PWWP2A: variants seen among roughly 807,000 people sequenced by gnomAD.
PWWP2A encodes PWWP domain-containing protein 2A.
In PWWP2A, 18 loss-of-function variants were observed where a neutral mutation model predicts 48.5. The ratio of observed to expected loss-of-function variants is 0.37; its 90% CI spans 0.26 to 0.55. PWWP2A has a LOEUF of 0.55. Among genes scored for constraint, PWWP2A ranks in the 20% least tolerant of loss-of-function variants. PWWP2A has a pLI of 0.81. For missense variants in PWWP2A, 867 were observed against 976.4 expected (o/e 0.89, Z 1.49); for synonymous variants, 396 against 387.7 (o/e 1.02, Z -0.25).
chr5:160,095,390 A>T (rs1026531607), intron 1 of PWWP2A, among the ~76,000 whole-genome samples: 2 of 152,230 alleles, frequency 1.3e-5, no homozygotes, highest in Non-Finnish European at 2.9e-5. Flanking sequence ...CAAGAACCTG[A>T]TCCTTAAAAT....
chr5:160,068,800 A>T (rs1753675601), intron 2 of PWWP2A, among the ~76,000 whole-genome samples: 1 of 152,156 alleles, frequency 6.6e-6, no homozygotes. Context: ...TATCCACAAG[A>T]CGTGGTTTTA....
At chr5:160,055,394 C>T in the PWWP2A span, among the ~76,000 whole-genome samples, 2 of 152,172 alleles carry the variant, frequency 1.3e-5, no homozygotes, top group Non-Finnish European at 2.9e-5. Flanking sequence ...GAAGCCCTAC[C>T]CAGGCAGCTT....
At position 160,118,785 on chromosome 5, in the gene PWWP2A, G is replaced by A; in HGVS notation, c.584+20C>T. Reference sequence around the variant, plus strand: ...CTGGGGACCCAGCGGACCGGAGGGTGCTGGGGGCGGGCGCGGTACCTTTTG... The same window carrying A: ...CTGGGGACCCAGCGGACCGGAGGGTACTGGGGGCGGGCGCGGTACCTTTTG... On this transcript the variant is annotated intron_variant, in intron 1 of 1. Coordinates refer to ENST00000307063, the MANE Select transcript of PWWP2A (RefSeq NM_001130864.2). 2 of 1,429,576 alleles carry A rather than the reference G, an allele frequency of 1.4e-6. No homozygotes were observed. Among genetic ancestry groups the A allele is most frequent in the Middle Eastern group, 1.8e-4 (1 of 5,476 alleles). The allele number at this position is 1,429,576 out of a possible 1,614,324, so 88.6% of individuals were successfully genotyped here. A position where few individuals can be genotyped will look rare whatever the true frequency, so the allele number is the denominator to read the frequency against.
chr5:160,091,592 C>T lies in PWWP2A; in HGVS notation c.*790G>A. The T allele has an allele frequency of 1.0e-6, 1 of 985,130 alleles. No individual in the cohort carries two copies. The highest frequency in any genetic ancestry group is 4.7e-5 in the South Asian group (1 of 21,282). The allele number at this position is 985,130 out of a possible 1,614,324, so 61.0% of individuals were successfully genotyped here. ...TTAGGAACAGCCAGTCAGGAGAAAT[C>T]TGACCAAATTTAGCAATCACTATTT... is the stretch of plus-strand genomic sequence containing the variant. On this transcript the variant is annotated 3_prime_UTR_variant, in exon 2 of 2. Coordinates refer to ENST00000307063, the MANE Select transcript of PWWP2A (RefSeq NM_001130864.2).
chr5:160,090,977 T>C, downstream of PWWP2A: 1 of 985,182 alleles, frequency 1.0e-6, no homozygotes, highest in Non-Finnish European at 1.2e-6. Context: ...AAAGCAGTGA[T>C]ACATGAGGCA....
Position 160,093,389 on chromosome 5 carries a change from T to C in PWWP2A, c.1261A>G (p.Lys421Glu), listed in dbSNP as rs765314531. Residue 421 changes from lysine (K) to glutamate (E), a missense_variant, in exon 2 of 2, where the codon AAG becomes GAG. This residue lies in a region of PWWP2A where 382 missense variants were observed against 407.2 expected (regional missense o/e 0.94). Coordinates refer to ENST00000307063, the MANE Select transcript of PWWP2A (RefSeq NM_001130864.2). This position sits in a 1 kb window ranked among gnomAD's most constrained non-coding sequence, Gnocchi z 5.8. ...QLSTKKVLQS[K>E]NMDHAKAREV... ...CGAGCTTTCGCATGATCCATGTTCT[T>C]ACTCTGGAGAACTTTTTTAGTACTT... The C allele has an allele frequency of 3.3e-5, 54 of 1,613,852 alleles. 1 individual carries two copies. In the South Asian group the frequency reaches 5.8e-4, roughly 17 times the overall value.
At chr5:160,060,128 T>C (rs972084602), downstream of PWWP2A, among the ~76,000 whole-genome samples, 2 of 152,210 alleles carry the variant, frequency 1.3e-5, no homozygotes, top group Non-Finnish European at 2.9e-5. Flanking sequence ...GGAAATGTGG[T>C]ATTAGGATTT....
In PWWP2A at chr5:160,093,303, G is replaced by A. The variant is rs747380369; in HGVS notation, c.1347C>T (p.Ser449=). 1.9e-6 allele frequency: 3 copies of A among 1,613,762 alleles called. No homozygotes were observed. The highest frequency in any genetic ancestry group is 2.7e-5 in the African/African-American group (2 of 74,924). The change falls in exon 2 of 2, where the codon TCC becomes TCT. Residue 449 remains serine, a synonymous_variant. Coordinates refer to ENST00000307063, the MANE Select transcript of PWWP2A (RefSeq NM_001130864.2). The surrounding 1 kb of genome is among the most constrained non-coding windows in gnomAD (Gnocchi z 5.8). ...AQKKQNETST[S]KNAHSKVHFT... is the part of the protein sequence containing the mutation. ...AATGGACTTTTGAATGTGCATTTTT[G>A]GAAGTAGAGGTTTCATTTTGCTTCT...
chr5:160,091,465 ATT>A lies in PWWP2A; in HGVS notation c.*915_*916del, dbSNP rs1755059471. On this transcript the variant is annotated 3_prime_UTR_variant, in exon 2 of 2. Coordinates refer to ENST00000307063, the MANE Select transcript of PWWP2A (RefSeq NM_001130864.2). The stretch of plus-strand genomic sequence containing the variant: ...CAAACAGATACCTTAAACGGAAATT[ATT>A]TTGTTTTAATTATCAAATTAGGTAC... 3.3e-5 allele frequency: 32 copies of A among 974,386 alleles called. No homozygotes were observed. Among genetic ancestry groups the A allele is most frequent in the Non-Finnish European group, 3.9e-5 (32 of 824,394 alleles). The allele number at this position is 974,386 out of a possible 1,614,324, so 60.4% of individuals were successfully genotyped here.
chr5:160,115,059 C>T (rs1757974046), intron 1 of PWWP2A, among the ~76,000 whole-genome samples: 1 of 145,450 alleles, frequency 6.9e-6, no homozygotes, highest in South Asian at 2.1e-4. Flanking sequence ...ATCACTTGAA[C>T]CCGGTGGGGC....
Position 160,093,538 on chromosome 5 carries a change from A to G in PWWP2A, c.1112T>C (p.Val371Ala). 1 of 1,613,594 alleles carries G rather than the reference A, an allele frequency of 6.2e-7. No homozygotes were observed. The highest frequency in any genetic ancestry group is 8.5e-7 in the Non-Finnish European group (1 of 1,179,816). Reference protein sequence around the residue: ...VNKKLKTDHKVDGKNQNESQK... With the variant: ...VNKKLKTDHKADGKNQNESQK... ...GCTTTCATTTTGGTTTTTCCCATCC[A>G]CTTTATGGTCAGTTTTCAGTTTTTT... is the stretch of plus-strand genomic sequence containing the variant. Residue 371 changes from valine (V) to alanine (A), a missense_variant, in exon 2 of 2, where the codon GTG becomes GCG. This residue lies in a region of PWWP2A where 382 missense variants were observed against 407.2 expected (regional missense o/e 0.94). Transcript: ENST00000307063. The surrounding 1 kb of genome is among the most constrained non-coding windows in gnomAD (Gnocchi z 5.8).
downstream of PWWP2A, among the ~76,000 whole-genome samples, chr5:160,088,614 AC>A (rs1202570917): frequency 6.6e-6 from 1 of 152,174 alleles, no homozygotes; most frequent in Non-Finnish European, 1.5e-5. Context: ...CAAAACAAAA[AC>A]TAAATTTGCC....
chr5:160,068,708 C>T (rs1375676908), intron 2 of PWWP2A, among the ~76,000 whole-genome samples: 4 of 152,186 alleles, frequency 2.6e-5, no homozygotes, highest in Admixed American at 2.0e-4. Flanking sequence ...ACCATGAGCT[C>T]ATGGAAAGGG....
chr5:160,051,077 T>G, the PWWP2A span: 6 of 1,354,008 alleles, frequency 4.4e-6, no homozygotes, highest in Non-Finnish European at 4.9e-6. Context: ...AAGGGAAAGG[T>G]TTTGGTTTTT....
intron 1 of PWWP2A, among the ~76,000 whole-genome samples, chr5:160,096,549 G>A (rs557113430): frequency 1.2e-4 from 19 of 152,174 alleles, no homozygotes; most frequent in African/African-American, 4.6e-4. Flanking sequence ...TTTCTAACTT[G>A]TAAGAAGGCA....
In PWWP2A at chr5:160,094,016, T is replaced by C; in HGVS notation, c.634A>G (p.Lys212Glu). The change falls in exon 2 of 2, where the codon AAG becomes GAG. Residue 212 changes from lysine to glutamate, a missense_variant. Lys to Glu is a moderately conservative substitution (Grantham distance 56, BLOSUM62 1). This residue lies in a region of PWWP2A where 385 missense variants were observed against 396.9 expected (regional missense o/e 0.97). Coordinates refer to ENST00000307063, the MANE Select transcript of PWWP2A (RefSeq NM_001130864.2). Reference sequence around the variant, plus strand: ...AGCGGCATGGCTTCTGGTTTATCCTTATATTCCCTTTTGGGAAATACTGTC... The same window carrying C: ...AGCGGCATGGCTTCTGGTTTATCCTCATATTCCCTTTTGGGAAATACTGTC... Reference protein sequence around the residue: ...PVTVFPKREYKDKPEAMPLQS... With the variant: ...PVTVFPKREYEDKPEAMPLQS... The C allele has an allele frequency of 6.2e-7, 1 of 1,613,952 alleles. No homozygotes were observed. Among genetic ancestry groups the C allele is most frequent in the Non-Finnish European group, 8.5e-7 (1 of 1,179,828 alleles).
intron 3 of PWWP2A, among the ~76,000 whole-genome samples, chr5:160,079,247 T>C (rs1754060073): frequency 6.6e-6 from 1 of 152,072 alleles, no homozygotes; most frequent in Admixed American, 6.6e-5. Flanking sequence ...TTCCCCATGA[T>C]TTGACAGAAC....
intron 1 of PWWP2A, among the ~76,000 whole-genome samples, chr5:160,099,126 T>C (rs1755988385): frequency 6.6e-6 from 1 of 152,224 alleles, no homozygotes; most frequent in South Asian, 2.1e-4. Context: ...TGCTTTAGCT[T>C]TTTCTAAGGG....
downstream of PWWP2A, chr5:160,061,731 A>G (rs1753418337): frequency 6.6e-6 from 1 of 152,052 alleles, no homozygotes; most frequent in African/African-American, 2.4e-5. Context: ...GAGATACTGG[A>G]ATTGAAGGAA....
Sources: gnomAD v4.1 joint callset for allele counts (sites outside exome capture counted in the v4.1 genomes callset) on GRCh38, gnomAD v4.1.1 for gene constraint, gnomAD v4.1.1 regional missense constraint, Gnocchi (gnomAD v3.1) non-coding constraint, MANE v1.5 for transcripts, NCBI Gene and HGNC (gene_info 2026-07-23, HGNC 2026-07-21) for gene names.